The following COG5 variants were observed in gnomAD, a reference collection of about 807,000 sequenced individuals.
The protein encoded by COG5 is component of oligomeric golgi complex 5.
COG5 carries 86 observed loss-of-function variants against 110.4 expected under a neutral mutation model. That is an observed-to-expected ratio of 0.78 (90% CI 0.65 to 0.93). COG5 has a LOEUF of 0.93. Among genes scored for constraint, COG5 ranks in the 40% least tolerant of loss-of-function variants. The probability of loss-of-function intolerance (pLI) is 0.00; values close to 1 mark genes in which losing one functional copy is unlikely to be tolerated. For synonymous variants in COG5, 360 were observed against 334.6 expected (o/e 1.08, Z -0.83); for missense variants, 1,077 against 987.0 (o/e 1.09, Z -1.22).
At chr7:107,281,189 A>T in intron 14 of COG5, 111 bp downstream of exon 14, 1 of 798,008 alleles carries the variant, frequency 1.3e-6, no homozygotes, top group South Asian at 1.7e-5. Context: ...CACTACAGTA[A>T]AAATGGAAGT....
intron 12 of COG5, among the ~76,000 whole-genome samples, chr7:107,286,922 T>TA (rs1279448875): frequency 1.3e-5 from 2 of 152,134 alleles, no homozygotes; most frequent in Non-Finnish European, 2.9e-5. Flanking sequence ...ATGTGTCAGT[T>TA]AAAAAAATAA....
intron 19 of COG5, among the ~76,000 whole-genome samples, chr7:107,229,636 A>T (rs2116392353): frequency 6.6e-6 from 1 of 152,298 alleles, no homozygotes; most frequent in East Asian, 1.9e-4. Context: ...CTAAGTGTTC[A>T]GCACTGACAA....
At chr7:107,552,547 C>T (rs1012618823) in intron 3 of COG5, among the ~76,000 whole-genome samples, 1 of 152,118 alleles carries the variant, frequency 6.6e-6, no homozygotes, top group Non-Finnish European at 1.5e-5. Context: ...CACCAATCAT[C>T]AGAGAAATGC....
chr7:107,271,564 C>T lies in COG5; in HGVS notation c.1575+9736G>A, dbSNP rs537155526. On this transcript the variant is annotated intron_variant, in intron 14 of 21. Coordinates refer to ENST00000297135, the MANE Select transcript of COG5 (RefSeq NM_006348.5). ...TCTGGAATTTGATATTTTCTGCTGC[C>T]ACTGTAAATAGCCTTTTATAAAGTA... Among the ~76,000 whole-genome samples, 4 of 152,092 alleles carry T rather than the reference C, an allele frequency of 2.6e-5. No individual in the cohort carries two copies. In the South Asian group the frequency reaches 8.3e-4, roughly 32 times the overall value.
intron 6 of COG5, among the ~76,000 whole-genome samples, chr7:107,510,535 G>A (rs1799419031): frequency 6.6e-6 from 1 of 152,160 alleles, no homozygotes; most frequent in Admixed American, 6.5e-5. Flanking sequence ...ACTCAGCTCT[G>A]CACCAAGCGG....
intron 6 of COG5, among the ~76,000 whole-genome samples, chr7:107,455,910 C>CA (rs1177511297): frequency 2.6e-5 from 4 of 152,162 alleles, no homozygotes; most frequent in Admixed American, 6.5e-5. Flanking sequence ...TCTTGTGCCT[C>CA]AGCCTCCCAA....
intron 1 of COG5, among the ~76,000 whole-genome samples, chr7:107,562,563 A>T (rs1017714141): frequency 6.6e-6 from 1 of 152,190 alleles, no homozygotes; most frequent in Non-Finnish European, 1.5e-5. Flanking sequence ...GAACTACTTG[A>T]GGGCAAAAAT....
At chr7:107,209,091 C>T in intron 21 of COG5, 1 of 985,386 alleles carries the variant, frequency 1.0e-6, no homozygotes, top group Non-Finnish European at 1.2e-6. Flanking sequence ...AGAACCACCT[C>T]ATCATGTCAG....
chr7:107,415,619 A>G (rs1792666156), intron 6 of COG5, among the ~76,000 whole-genome samples: 1 of 151,818 alleles, frequency 6.6e-6, no homozygotes, highest in African/African-American at 2.4e-5. Flanking sequence ...TTTAAAAAAG[A>G]AGAAAAAGGT....
At chr7:107,283,041 T>A (rs779829794) in intron 13 of COG5, among the ~76,000 whole-genome samples, 1 of 152,212 alleles carries the variant, frequency 6.6e-6, no homozygotes, top group Non-Finnish European at 1.5e-5. Context: ...CAACAGTATA[T>A]AATTACATTG....
At chr7:107,215,930 C>T (rs1160961050) in intron 19 of COG5, among the ~76,000 whole-genome samples, 2 of 151,932 alleles carry the variant, frequency 1.3e-5, no homozygotes, top group South Asian at 2.1e-4. Context: ...AGGATGGTCT[C>T]GATCTCCTGA....
At chr7:107,395,758 T>C (rs888972688) in intron 7 of COG5, among the ~76,000 whole-genome samples, 3 of 152,006 alleles carry the variant, frequency 2.0e-5, no homozygotes, top group African/African-American at 7.3e-5. Flanking sequence ...TTTTTCTATG[T>C]TGATCAGGCT....
At chr7:107,554,206 G>T in intron 3 of COG5, 79 bp downstream of exon 3, 1 of 1,223,394 alleles carries the variant, frequency 8.2e-7, no homozygotes, top group Non-Finnish European at 1.2e-6. Context: ...TAAAATACTT[G>T]CCATCCAAAG....
chr7:107,293,707 G>GC (rs946753593), intron 12 of COG5, among the ~76,000 whole-genome samples: 1 of 151,902 alleles, frequency 6.6e-6, no homozygotes, highest in African/African-American at 2.4e-5. Context: ...CCTTTCTTGG[G>GC]CCAAGGCTCT....
At chr7:107,509,013 G>A (rs1799269779) in intron 6 of COG5, among the ~76,000 whole-genome samples, 1 of 152,208 alleles carries the variant, frequency 6.6e-6, no homozygotes, top group Admixed American at 6.5e-5. Flanking sequence ...AAGGAACGCA[G>A]CTCCTCACCA....
chr7:107,209,644 AAT>A, intron 21 of COG5: 1 of 196,628 alleles, frequency 5.1e-6, no homozygotes, highest in Non-Finnish European at 9.2e-6. Flanking sequence ...CACAAAAAAA[AAT>A]GGCCAGAGAA....
chr7:107,284,219 C>T (rs1415948866), intron 12 of COG5, among the ~76,000 whole-genome samples: 5 of 152,102 alleles, frequency 3.3e-5, no homozygotes, highest in Middle Eastern at 3.2e-3. Flanking sequence ...CAACCGTGCC[C>T]GGCCTATATT....
chr7:107,410,661 C>T (rs1370550912), intron 7 of COG5, among the ~76,000 whole-genome samples: 1 of 152,014 alleles, frequency 6.6e-6, no homozygotes, highest in Non-Finnish European at 1.5e-5. Flanking sequence ...AGGCTGGTCT[C>T]GAAATCCCAA....
chr7:107,377,567 T>A (rs1485338681), intron 7 of COG5, among the ~76,000 whole-genome samples: 1 of 152,208 alleles, frequency 6.6e-6, no homozygotes, highest in African/African-American at 2.4e-5. Flanking sequence ...TAGCTTTTTG[T>A]TATTCTTATT....
Sources: allele counts gnomAD v4.1 joint callset (sites outside exome capture counted in the v4.1 genomes callset), GRCh38; gene constraint gnomAD v4.1.1; transcripts MANE v1.5; gene names NCBI Gene and HGNC (gene_info 2026-07-23, HGNC 2026-07-21).